Variants in SLCO3A1 observed in about 807,000 individuals in gnomAD.
SLCO3A1 encodes the protein PGE1 transporter.
A neutral mutation model predicts 63.1 loss-of-function variants in SLCO3A1; 27 were observed. That is an observed-to-expected ratio of 0.43 (90% CI 0.32 to 0.59). The LOEUF is 0.59. Ranked by LOEUF, SLCO3A1 falls within the 20% of genes least tolerant of loss-of-function variation. SLCO3A1 has a pLI of 0.09. For synonymous variants in SLCO3A1, 473 were observed against 409.9 expected (o/e 1.15, Z -1.86); for missense variants, 773 against 945.8 (o/e 0.82, Z 2.40).
chr15:92,013,046 G>A (rs1178700028), intron 2 of SLCO3A1, among the ~76,000 whole-genome samples: 1 of 152,212 alleles, frequency 6.6e-6, no homozygotes, highest in Non-Finnish European at 1.5e-5. Context: ...TTCTGGCTAC[G>A]AGGCTTCAGC....
At chr15:91,933,081 C>G (rs1392400255) in intron 2 of SLCO3A1, among the ~76,000 whole-genome samples, 1 of 152,134 alleles carries the variant, frequency 6.6e-6, no homozygotes, top group Non-Finnish European at 1.5e-5. Context: ...TCCCCAATTA[C>G]TAAAAACAAT....
intron 2 of SLCO3A1, among the ~76,000 whole-genome samples, chr15:92,075,262 T>C (rs905809084): frequency 6.6e-6 from 1 of 152,192 alleles, no homozygotes; most frequent in Non-Finnish European, 1.5e-5. Context: ...TTGTGTTTTC[T>C]GGGGCTAAAC....
intron 4 of SLCO3A1, among the ~76,000 whole-genome samples, chr15:92,114,974 C>G (rs1476205230): frequency 6.6e-6 from 1 of 152,186 alleles, no homozygotes; most frequent in Non-Finnish European, 1.5e-5. Flanking sequence ...GCATTGGCTA[C>G]CATTGTAATT....
At chr15:92,157,739 A>G (rs1471946003) in intron 9 of SLCO3A1, among the ~76,000 whole-genome samples, 1 of 152,202 alleles carries the variant, frequency 6.6e-6, no homozygotes, top group Non-Finnish European at 1.5e-5. Context: ...TACCCAAAAG[A>G]GTTCCTGAAC....
At chr15:92,021,100 A>C (rs993538361) in intron 2 of SLCO3A1, among the ~76,000 whole-genome samples, 4 of 152,236 alleles carry the variant, frequency 2.6e-5, no homozygotes, top group African/African-American at 9.6e-5. Context: ...AGTACTCAAC[A>C]AATGGCAGCC....
chr15:92,008,863 G>A (rs1467054152), intron 2 of SLCO3A1, among the ~76,000 whole-genome samples: 1 of 152,296 alleles, frequency 6.6e-6, no homozygotes, highest in South Asian at 2.1e-4. Context: ...GATAGCATCA[G>A]TCATGGTCAA....
intron 2 of SLCO3A1, among the ~76,000 whole-genome samples, chr15:91,984,307 C>T (rs2151438770): frequency 6.6e-6 from 1 of 152,286 alleles, no homozygotes; most frequent in African/African-American, 2.4e-5. Flanking sequence ...CCCACTTCAG[C>T]TATTTTCACA....
chr15:91,957,142 T>G lies in SLCO3A1; in HGVS notation c.646+40684T>G, dbSNP rs1374080372. ...ATATATATAATATATATACTATATA[T>G]TATAATATATATATATATTTTTTTT... On this transcript the variant is annotated intron_variant, in intron 2 of 9. Coordinates refer to ENST00000318445, the MANE Select transcript of SLCO3A1 (RefSeq NM_013272.4). Among the ~76,000 whole-genome samples, 16 of 5,428 alleles carry G rather than the reference T, an allele frequency of 2.9e-3. 1 individual carries two copies. Among genetic ancestry groups the G allele is most frequent in the South Asian group, 7.5e-3 (1 of 134 alleles). The allele number at this position is 5,428 out of a possible 152,430, so 3.6% of individuals were successfully genotyped here. A position where few individuals can be genotyped will look rare whatever the true frequency, so the allele number is the denominator to read the frequency against.
intron 1 of SLCO3A1, among the ~76,000 whole-genome samples, chr15:91,907,360 C>A (rs1177417976): frequency 6.6e-6 from 1 of 152,044 alleles, no homozygotes; most frequent in Non-Finnish European, 1.5e-5. Context: ...CACCCGCCAC[C>A]AAGCCTGGCT....
Position 92,120,502 on chromosome 15 carries a change from T to G in SLCO3A1, c.1047T>G (p.Pro349=). 2 of 1,614,176 alleles carry G rather than the reference T, an allele frequency of 1.2e-6. No individual in the cohort carries two copies. Among genetic ancestry groups the G allele is most frequent in the Non-Finnish European group, 1.7e-6 (2 of 1,180,006 alleles). ...TCACCAAGCACCTGCTCTCAAACCC[T>G]GTGTTCACCTGCATCATCCTGGCCG... ...PKVTKHLLSN[P]VFTCIILAAC... Residue 349 remains proline (P), a synonymous_variant, in exon 5 of 10, where the codon CCT becomes CCG. Transcript: ENST00000318445.
intron 2 of SLCO3A1, among the ~76,000 whole-genome samples, chr15:92,070,185 A>G (rs1480775365): frequency 6.6e-6 from 1 of 152,260 alleles, no homozygotes; most frequent in Non-Finnish European, 1.5e-5. Context: ...CTGGCTTTCA[A>G]AATGGGTTTG....
intron 2 of SLCO3A1, among the ~76,000 whole-genome samples, chr15:92,039,870 A>G (rs570775036): frequency 6.6e-6 from 1 of 151,050 alleles, no homozygotes; most frequent in African/African-American, 2.5e-5. Flanking sequence ...TACACAGTGG[A>G]ATACCATACA....
chr15:91,902,333 G>C (rs145216131), intron 1 of SLCO3A1, among the ~76,000 whole-genome samples: 302 of 152,018 alleles, frequency 2.0e-3, no homozygotes, highest in African/African-American at 6.8e-3. Flanking sequence ...AGCAGCTAGG[G>C]CTCTCTCCAG....
At chr15:92,142,765 G>A (rs2048151289) in intron 7 of SLCO3A1, among the ~76,000 whole-genome samples, 1 of 152,154 alleles carries the variant, frequency 6.6e-6, no homozygotes, top group African/African-American at 2.4e-5. Context: ...CTGAGATAAA[G>A]ATGTCTCATT....
At chr15:92,047,055 A>T (rs1271630825) in intron 2 of SLCO3A1, among the ~76,000 whole-genome samples, 2 of 31,792 alleles carry the variant, frequency 6.3e-5, no homozygotes, top group African/African-American at 2.6e-4. Flanking sequence ...TATATATAAT[A>T]TATAAATATA....
intron 1 of SLCO3A1, among the ~76,000 whole-genome samples, chr15:91,874,812 G>C (rs776467889): frequency 6.6e-6 from 1 of 152,130 alleles, no homozygotes; most frequent in Non-Finnish European, 1.5e-5. Context: ...GTAATGTTTC[G>C]TATTCTGAAT....
chr15:92,093,311 C>T (rs1177836574), intron 2 of SLCO3A1, among the ~76,000 whole-genome samples: 1 of 152,110 alleles, frequency 6.6e-6, no homozygotes, highest in Non-Finnish European at 1.5e-5. Flanking sequence ...CATTACGTGG[C>T]GAGAGCCAGA....
At chr15:92,046,143 A>T (rs919486379) in intron 2 of SLCO3A1, among the ~76,000 whole-genome samples, 1 of 152,194 alleles carries the variant, frequency 6.6e-6, no homozygotes. Flanking sequence ...AGAAACTAAG[A>T]GGTTTAAGAA....
chr15:91,895,572 T>C (rs1264728427), intron 1 of SLCO3A1, among the ~76,000 whole-genome samples: 1 of 152,264 alleles, frequency 6.6e-6, no homozygotes, highest in Non-Finnish European at 1.5e-5. Context: ...ATTTGATTAC[T>C]GGGAGAAAAT....
Sources: allele counts gnomAD v4.1 joint callset (sites outside exome capture counted in the v4.1 genomes callset), GRCh38; gene constraint gnomAD v4.1.1; transcripts MANE v1.5; gene names NCBI Gene and HGNC (gene_info 2026-07-23, HGNC 2026-07-21).